Variants in ZNF609 observed in about 807,000 individuals in gnomAD.
ZNF609 encodes the protein zinc finger protein 609.
In ZNF609, 11 loss-of-function variants were observed where a neutral mutation model predicts 109.5. The observed-to-expected ratio is 0.10, with a 90% CI of 0.06 to 0.17. ZNF609 has a LOEUF of 0.17. Among genes scored for constraint, ZNF609 ranks in the 10% least tolerant of loss-of-function variants. ZNF609 has a pLI of 1.00. For synonymous variants in ZNF609, 646 were observed against 662.0 expected (o/e 0.98, Z 0.37); for missense variants, 1,559 against 1,772.4 (o/e 0.88, Z 2.16).
At chr15:64,536,732 C>A (rs900040327) in intron 2 of ZNF609, among the ~76,000 whole-genome samples, 3 of 149,524 alleles carry the variant, frequency 2.0e-5, no homozygotes, top group Non-Finnish European at 4.5e-5. Flanking sequence ...CACCCCCCCC[C>A]CCAAAAAAAA....
intron 2 of ZNF609, among the ~76,000 whole-genome samples, chr15:64,519,624 T>C (rs990972379): frequency 3.3e-5 from 5 of 152,264 alleles, no homozygotes; most frequent in African/African-American, 1.2e-4. Flanking sequence ...ATGCCACTTA[T>C]GAACAATGGA....
At chr15:64,634,196 G>A (rs938852062) in intron 3 of ZNF609, among the ~76,000 whole-genome samples, 9 of 152,084 alleles carry the variant, frequency 5.9e-5, no homozygotes, top group Non-Finnish European at 1.2e-4. Flanking sequence ...TGACTTCTGT[G>A]TACTCTGGCC....
At chr15:64,672,974 A>AC (rs1367512755) in intron 4 of ZNF609, among the ~76,000 whole-genome samples, 1 of 151,964 alleles carries the variant, frequency 6.6e-6, no homozygotes, top group Admixed American at 6.6e-5. Context: ...AAAAAAAAAA[A>AC]AAAAAGAATC....
intron 3 of ZNF609, among the ~76,000 whole-genome samples, chr15:64,650,047 A>G (rs1248131596): frequency 1.3e-5 from 2 of 151,170 alleles, no homozygotes; most frequent in Non-Finnish European, 2.9e-5. Flanking sequence ...TGGGAAGGTG[A>G]GGCAGGAGGA....
At chr15:64,616,514 C>CTTTTTTTT (rs56145140) in intron 2 of ZNF609, among the ~76,000 whole-genome samples, 1 of 66,952 alleles carries the variant, frequency 1.5e-5, no homozygotes. Flanking sequence ...AAACTGATAT[C>CTTTTTTTT]TTTTTTTTTT....
intron 2 of ZNF609, among the ~76,000 whole-genome samples, chr15:64,585,446 T>C (rs1895180584): frequency 6.6e-6 from 1 of 152,230 alleles, no homozygotes; most frequent in Non-Finnish European, 1.5e-5. Context: ...ATGTATTTGT[T>C]GCTGTTGTCT....
chr15:64,480,986 G>A (rs553412203), intron 1 of ZNF609, among the ~76,000 whole-genome samples: 142 of 152,198 alleles, frequency 9.3e-4, no homozygotes, highest in African/African-American at 3.2e-3. Flanking sequence ...TTTACCCGGA[G>A]GAACAAATAA....
chr15:64,656,899 A>T (rs1363565951), intron 3 of ZNF609, among the ~76,000 whole-genome samples: 1 of 152,036 alleles, frequency 6.6e-6, no homozygotes, highest in Non-Finnish European at 1.5e-5. Flanking sequence ...ACAACTTTCC[A>T]TTCAGTAGCC....
In ZNF609 at chr15:64,594,793, A is replaced by T. The variant is rs190970704; in HGVS notation, c.748-28034A>T. Among the ~76,000 whole-genome samples the T allele has an allele frequency of 8.0e-3, 1,196 of 150,440 alleles. 22 individuals carry two copies. The highest frequency in any genetic ancestry group is 0.028 in the African/African-American group (1,147 of 41,040). ...TGTAATCCCAGCACTTTGGGAGGCC[A>T]AGGCGGGTGGATCATGAGGTCAGGA... On this transcript the variant is annotated intron_variant, in intron 2 of 9. Coordinates refer to ENST00000326648, the MANE Select transcript of ZNF609 (RefSeq NM_015042.2).
intron 3 of ZNF609, chr15:64,631,233 GCTT>G: frequency 1.6e-6 from 1 of 640,226 alleles, no homozygotes; most frequent in South Asian, 1.4e-5. Context: ...TTTCTCTTTG[GCTT>G]CTTTCTTTTT....
At chr15:64,505,739 T>C (rs1228330389) in intron 2 of ZNF609, among the ~76,000 whole-genome samples, 2 of 152,226 alleles carry the variant, frequency 1.3e-5, no homozygotes, top group Admixed American at 6.5e-5. Flanking sequence ...ATAATTGCTA[T>C]ATACATCAAA....
intron 2 of ZNF609, among the ~76,000 whole-genome samples, chr15:64,607,867 CTTTCTTTCTTTCTTCTTTCTTTTCTTTCT>C (rs1567027748): frequency 1.8e-3 from 12 of 6,710 alleles, no homozygotes; most frequent in Non-Finnish European, 6.1e-3. Context: ...TTCTTTCTTT[CTTTCTTTCTTTCTTCTTTCTTTTCTTTCT>C]TTTTTTTTTT....
At chr15:64,666,952 C>T (rs1375400537) in intron 3 of ZNF609, among the ~76,000 whole-genome samples, 1 of 152,050 alleles carries the variant, frequency 6.6e-6, no homozygotes, top group Non-Finnish European at 1.5e-5. Flanking sequence ...CATGGTAAAC[C>T]CTGTCTCTAC....
intron 2 of ZNF609, among the ~76,000 whole-genome samples, chr15:64,527,139 A>G (rs994223217): frequency 6.6e-6 from 1 of 151,380 alleles, no homozygotes; most frequent in African/African-American, 2.4e-5. Context: ...AAGCTGAATA[A>G]CATTGGAAAT....
chr15:64,608,521 A>G (rs1302691070), intron 2 of ZNF609, among the ~76,000 whole-genome samples: 1 of 152,062 alleles, frequency 6.6e-6, no homozygotes, highest in Non-Finnish European at 1.5e-5. Flanking sequence ...CCCATGTATA[A>G]GTTCATGTAT....
intron 2 of ZNF609, among the ~76,000 whole-genome samples, chr15:64,600,129 C>T (rs1017139161): frequency 6.6e-6 from 1 of 152,098 alleles, no homozygotes; most frequent in Non-Finnish European, 1.5e-5. Context: ...ACGAGCCTGG[C>T]CAACACAGCG....
At chr15:64,668,164 C>T (rs536985079) in intron 3 of ZNF609, among the ~76,000 whole-genome samples, 74 of 152,276 alleles carry the variant, frequency 4.9e-4, no homozygotes, top group African/African-American at 1.6e-3. Context: ...CAATATGAGG[C>T]TGCAAACCAA....
chr15:64,662,921 C>T (rs986450304), intron 3 of ZNF609, among the ~76,000 whole-genome samples: 3 of 151,986 alleles, frequency 2.0e-5, no homozygotes, highest in Non-Finnish European at 2.9e-5. Flanking sequence ...CCTGCCTCGG[C>T]CTCCCAAATT....
chr15:64,533,863 A>G (rs565141771), intron 2 of ZNF609, among the ~76,000 whole-genome samples: 14 of 152,244 alleles, frequency 9.2e-5, no homozygotes, highest in South Asian at 2.1e-4. Context: ...CAGTCCATCA[A>G]TCTTACTCAG....
Sources: allele counts gnomAD v4.1 joint callset (sites outside exome capture counted in the v4.1 genomes callset), GRCh38; gene constraint gnomAD v4.1.1; transcripts MANE v1.5; gene names NCBI Gene and HGNC (gene_info 2026-07-23, HGNC 2026-07-21).